Variants in ADAMTSL1 observed in about 807,000 individuals in gnomAD.
ADAMTSL1 encodes ADAMTS like 1.
In ADAMTSL1, 126 loss-of-function variants were observed where a neutral mutation model predicts 201.8. The ratio of observed to expected loss-of-function variants is 0.62; its 90% CI spans 0.54 to 0.72. The LOEUF (loss-of-function observed/expected upper bound fraction) is 0.72. Among genes scored for constraint, ADAMTSL1 ranks in the 30% least tolerant of loss-of-function variants. The probability of loss-of-function intolerance (pLI) is 0.00; values close to 1 mark genes in which losing one functional copy is unlikely to be tolerated. For synonymous variants in ADAMTSL1, 1,121 were observed against 903.4 expected, an observed-to-expected ratio of 1.24 and a Z score of -4.32; for missense variants, 2,679 against 2,277.8, an observed-to-expected ratio of 1.18 and a Z score of -3.59.
At chr9:17,917,788 G>T (rs1356311652) in intron 1 of ADAMTSL1, among the ~76,000 whole-genome samples, 1 of 151,920 alleles carries the variant, frequency 6.6e-6, no homozygotes, top group African/African-American at 2.4e-5. Flanking sequence ...CACCAGTGAA[G>T]CCACCTGGAC....
chr9:18,327,960 T>G (rs1046960314), intron 2 of ADAMTSL1, among the ~76,000 whole-genome samples: 3 of 152,210 alleles, frequency 2.0e-5, no homozygotes, highest in African/African-American at 7.2e-5. Context: ...TGTTTGTTTT[T>G]TCCTGTTTTA....
intron 4 of ADAMTSL1, among the ~76,000 whole-genome samples, chr9:18,603,965 C>T (rs944289265): frequency 2.6e-5 from 4 of 152,158 alleles, no homozygotes; most frequent in Admixed American, 6.5e-5. Context: ...AAAGGGTGCT[C>T]AGTCGCAGAT....
At chr9:18,509,681 G>C (rs1055188395) in intron 2 of ADAMTSL1, among the ~76,000 whole-genome samples, 3 of 152,206 alleles carry the variant, frequency 2.0e-5, no homozygotes, top group Admixed American at 2.0e-4. Flanking sequence ...GCAATTCCCA[G>C]TGCAAAGCCT....
At chr9:18,417,041 T>C (rs183241129) in intron 2 of ADAMTSL1, among the ~76,000 whole-genome samples, 1 of 152,034 alleles carries the variant, frequency 6.6e-6, no homozygotes, top group East Asian at 1.9e-4. Context: ...TTTCAATAAA[T>C]GTAAAAAGAT....
chr9:18,891,962 C>T (rs1016355948), intron 25 of ADAMTSL1, among the ~76,000 whole-genome samples: 2 of 150,062 alleles, frequency 1.3e-5, no homozygotes, highest in African/African-American at 5.0e-5. Flanking sequence ...GATCACATCA[C>T]CTCCAAATCA....
chr9:17,959,968 G>A (rs114837513), intron 1 of ADAMTSL1, among the ~76,000 whole-genome samples: 2,140 of 152,222 alleles, frequency 0.014, 64 homozygotes, highest in African/African-American at 0.049. Flanking sequence ...TGGTGTATTA[G>A]TTAGGATTAA....
chr9:18,526,694 A>G (rs547627410), intron 2 of ADAMTSL1, among the ~76,000 whole-genome samples: 2 of 152,236 alleles, frequency 1.3e-5, no homozygotes, highest in South Asian at 2.1e-4. Flanking sequence ...TCCTTCACTT[A>G]TGAAGCTTAG....
chr9:18,827,802 G>A lies in ADAMTSL1; in HGVS notation c.4114+1339G>A, dbSNP rs1476531046. On this transcript the variant is annotated intron_variant, in intron 22 of 28. Coordinates refer to ENST00000380548, the MANE Select transcript of ADAMTSL1 (RefSeq NM_001040272.6). ...TGTAGCAGTGAACACGGTGTTCGAA[G>A]AGCAAAACATCTTCCCCATTTTCAT... is the stretch of plus-strand genomic sequence containing the variant. Among the ~76,000 whole-genome samples, 9 of 152,162 alleles carry A rather than the reference G, an allele frequency of 5.9e-5. No homozygotes were observed. The South Asian group carries it at 1.5e-3, about 25-fold the overall frequency.
chr9:17,949,439 A>C (rs1185382905), intron 1 of ADAMTSL1, among the ~76,000 whole-genome samples: 1 of 152,218 alleles, frequency 6.6e-6, no homozygotes, highest in Non-Finnish European at 1.5e-5. Flanking sequence ...CTTTGGAAGG[A>C]GAGTGAGGGT....
At chr9:18,807,940 G>C (rs1823269387) in intron 20 of ADAMTSL1, among the ~76,000 whole-genome samples, 1 of 152,128 alleles carries the variant, frequency 6.6e-6, no homozygotes, top group Non-Finnish European at 1.5e-5. Flanking sequence ...CACAAACATA[G>C]GTACTGGCAA....
At chr9:18,846,321 A>C (rs1392840426) in intron 23 of ADAMTSL1, among the ~76,000 whole-genome samples, 1 of 152,224 alleles carries the variant, frequency 6.6e-6, no homozygotes, top group Non-Finnish European at 1.5e-5. Flanking sequence ...AGCTTGGCCA[A>C]GATTGCTTTG....
intron 2 of ADAMTSL1, among the ~76,000 whole-genome samples, chr9:18,520,662 G>C (rs905472383): frequency 6.6e-6 from 1 of 152,206 alleles, no homozygotes; most frequent in African/African-American, 2.4e-5. Context: ...CATGGCACCA[G>C]GGATGTGTCT....
intron 19 of ADAMTSL1, among the ~76,000 whole-genome samples, chr9:18,783,819 G>A (rs1266296804): frequency 6.6e-6 from 1 of 150,820 alleles, no homozygotes; most frequent in Non-Finnish European, 1.5e-5. Flanking sequence ...ACTACAGGTG[G>A]CCCTCAAAGC....
chr9:18,518,707 C>T (rs1284167411), intron 2 of ADAMTSL1, among the ~76,000 whole-genome samples: 1 of 151,928 alleles, frequency 6.6e-6, no homozygotes, highest in Non-Finnish European at 1.5e-5. Flanking sequence ...GTTTTCTTTT[C>T]TTTTTTCTTT....
intron 13 of ADAMTSL1, among the ~76,000 whole-genome samples, chr9:18,685,371 T>C (rs1184402487): frequency 2.0e-5 from 3 of 152,222 alleles, no homozygotes; most frequent in Non-Finnish European, 4.4e-5. Context: ...TTTGCCAGTG[T>C]CTTCAGAAGA....
intron 2 of ADAMTSL1, among the ~76,000 whole-genome samples, chr9:18,353,389 TA>T (rs1248921639): frequency 1.3e-5 from 2 of 152,196 alleles, no homozygotes; most frequent in Non-Finnish European, 2.9e-5. Flanking sequence ...CTGAAGAATT[TA>T]TTCCCACATG....
At chr9:18,425,260 A>T (rs1819156022) in intron 2 of ADAMTSL1, among the ~76,000 whole-genome samples, 1 of 151,964 alleles carries the variant, frequency 6.6e-6, no homozygotes, top group African/African-American at 2.4e-5. Context: ...GTTCTCACCT[A>T]AAAAAAGAAC....
At chr9:17,962,334 T>C (rs1452049717) in intron 1 of ADAMTSL1, among the ~76,000 whole-genome samples, 1 of 152,194 alleles carries the variant, frequency 6.6e-6, no homozygotes, top group Non-Finnish European at 1.5e-5. Flanking sequence ...GGATACCTTT[T>C]GAACACTTTC....
intron 1 of ADAMTSL1, among the ~76,000 whole-genome samples, chr9:17,911,191 G>T (rs1825895835): frequency 1.5e-5 from 1 of 68,410 alleles, no homozygotes; most frequent in Admixed American, 1.8e-4. Context: ...ACTTCTTAAA[G>T]GATTCTTTTC....
Sources: gnomAD v4.1 joint callset for allele counts (sites outside exome capture counted in the v4.1 genomes callset) on GRCh38, gnomAD v4.1.1 for gene constraint, MANE v1.5 for transcripts, NCBI Gene and HGNC (gene_info 2026-07-23, HGNC 2026-07-21) for gene names.